CEP164: variants seen among roughly 807,000 people sequenced by gnomAD.
CEP164 encodes centrosomal protein 164.
Under a neutral mutation model 182.7 loss-of-function variants are expected in CEP164, and 162 were observed. That is an observed-to-expected ratio of 0.89 (90% CI 0.78 to 1.01). The LOEUF (loss-of-function observed/expected upper bound fraction) is 1.01, where lower values mean the gene tolerates loss of function less well. Among genes scored for constraint, CEP164 ranks in the 50% least tolerant of loss-of-function variants. CEP164 has a pLI of 0.00. For missense variants in CEP164, 1,735 were observed against 1,790.4 expected (o/e 0.97, Z 0.56); for synonymous variants, 661 against 690.0 (o/e 0.96, Z 0.66).
chr11:117,369,240 C>G (rs1327823406), intron 8 of CEP164, among the ~76,000 whole-genome samples: 2 of 152,238 alleles, frequency 1.3e-5, no homozygotes, highest in Admixed American at 1.3e-4. Context: ...ACTCTGAGTT[C>G]CTTAACTCAC....
At position 117,352,825 on chromosome 11, in the gene CEP164, G is replaced by C. The variant is rs543856353; in HGVS notation, c.393+837G>C. Among the ~76,000 whole-genome samples the C allele has an allele frequency of 4.6e-5, 7 of 152,290 alleles. No homozygotes were observed. The East Asian group carries it at 1.4e-3, about 29-fold the overall frequency. ...TGGTCTCAAACTCCTGACCTCAAGTGATCCACCCGCCTCAGCCTCCCAAAG... is the reference window on the plus strand; with the variant it reads ...TGGTCTCAAACTCCTGACCTCAAGTCATCCACCCGCCTCAGCCTCCCAAAG... On this transcript the variant is annotated intron_variant, in intron 5 of 32. Coordinates refer to ENST00000278935, the MANE Select transcript of CEP164 (RefSeq NM_014956.5).
intron 8 of CEP164, among the ~76,000 whole-genome samples, chr11:117,369,584 GCTT>G (rs1374012744): frequency 1.3e-5 from 2 of 152,166 alleles, no homozygotes; most frequent in African/African-American, 4.8e-5. Context: ...CATGCTTAGG[GCTT>G]CTTCTTGGAC....
rs2041031182 is a variant in CEP164, at chr11:117,361,936, A to G, written c.495A>G (p.Gln165=). The part of the protein sequence containing the change: ...DTPPSALRGS[Q]SVSLGSSVES... ...CACCCTCTGCTCTTCGTGGATCTCA[A>G]AGCGTGAGCCTGGGGAGCTCAGTGG... The change falls in exon 6 of 33, where the codon CAA becomes CAG. Residue 165 remains glutamine (Q), a synonymous_variant. Coordinates refer to ENST00000278935, the MANE Select transcript of CEP164 (RefSeq NM_014956.5). 6.2e-7 allele frequency: 1 copy of G among 1,610,222 alleles called. No homozygotes were observed.
Position 117,356,716 on chromosome 11 carries a change from TTACCC to T in CEP164, c.393+4729_393+4733del. On this transcript the variant is annotated intron_variant, in intron 5 of 32. Transcript: ENST00000278935. ...CACAGCCATCAGGCCTGCATTCCTG[TTACCC>T]ACCCTACCGTGGTAACTATTGGCCC... 4 of 1,124,538 alleles carry T rather than the reference TTACCC, an allele frequency of 3.6e-6. No homozygotes were observed. In the South Asian group the frequency reaches 5.1e-5, roughly 14 times the overall value. The allele number at this position is 1,124,538 out of a possible 1,614,324, so 69.7% of individuals were successfully genotyped here. A position where few individuals can be genotyped will look rare whatever the true frequency, so the allele number is the denominator to read the frequency against.
At chr11:117,380,443 G>C (rs112116730) in intron 11 of CEP164, among the ~76,000 whole-genome samples, 171 bp from the exon 12 acceptor site, 113 of 152,248 alleles carry the variant, frequency 7.4e-4, no homozygotes, top group African/African-American at 2.5e-3. Context: ...CCAAAGCTTG[G>C]GGAAGCTTCA....
At chr11:117,374,923 C>T (rs1304242973) in intron 10 of CEP164, among the ~76,000 whole-genome samples, 1 of 152,204 alleles carries the variant, frequency 6.6e-6, no homozygotes, top group Non-Finnish European at 1.5e-5. Context: ...TCACTTAGCC[C>T]AGCAGGGATC....
chr11:117,392,467 C>T (rs142977189), intron 18 of CEP164, 29 bp from the exon 19 acceptor site: 19 of 1,606,284 alleles, frequency 1.2e-5, no homozygotes, highest in Non-Finnish European at 1.6e-5. Flanking sequence ...GAGGGTCACA[C>T]TCCCCTGTGT....
intron 4 of CEP164, among the ~76,000 whole-genome samples, chr11:117,344,556 T>C (rs538952001): frequency 6.6e-6 from 1 of 152,290 alleles, no homozygotes; most frequent in South Asian, 2.1e-4. Context: ...CTGTTTAGGA[T>C]GTGCTGAGGG....
chr11:117,366,822 A>C (rs1023029188), intron 8 of CEP164, among the ~76,000 whole-genome samples: 1 of 151,980 alleles, frequency 6.6e-6, no homozygotes, highest in Admixed American at 6.6e-5. Flanking sequence ...TGTGGATTAC[A>C]GGGGTCCTTG....
At chr11:117,406,833 T>A (rs1688497746) in intron 27 of CEP164, among the ~76,000 whole-genome samples, 1 of 152,160 alleles carries the variant, frequency 6.6e-6, no homozygotes, top group African/African-American at 2.4e-5. Flanking sequence ...CAGTGGTTCA[T>A]GCCTGTAATG....
chr11:117,387,483 A>C, intron 15 of CEP164, 71 bp downstream of exon 15: 18 of 1,459,580 alleles, frequency 1.2e-5, no homozygotes, highest in East Asian at 2.3e-5. Context: ...ACACCCTCTT[A>C]GCCTGGGGAC....
chr11:117,382,968 C>T, intron 14 of CEP164, 26 bp downstream of exon 14: 1 of 1,605,338 alleles, frequency 6.2e-7, no homozygotes, highest in Non-Finnish European at 8.5e-7. Flanking sequence ...GTGTGTCTGT[C>T]CCTGACCTCC....
intron 8 of CEP164, among the ~76,000 whole-genome samples, chr11:117,370,137 A>G (rs1165786639): frequency 2.0e-5 from 3 of 151,754 alleles, no homozygotes; most frequent in African/African-American, 7.3e-5. Context: ...CACTTCCTTT[A>G]TCCTTTATAG....
At chr11:117,348,597 G>A (rs2039252961) in intron 4 of CEP164, among the ~76,000 whole-genome samples, 1 of 152,030 alleles carries the variant, frequency 6.6e-6, no homozygotes, top group Non-Finnish European at 1.5e-5. Flanking sequence ...TTGTCATACT[G>A]AAGTCAATAA....
chr11:117,328,579 T>G (rs1412528949), intron 1 of CEP164, among the ~76,000 whole-genome samples: 1 of 152,188 alleles, frequency 6.6e-6, no homozygotes, highest in African/African-American at 2.4e-5. Flanking sequence ...TATCAGCTTT[T>G]CAGCGTTGAC....
At position 117,322,666 on chromosome 11, in the gene CEP164, C is replaced by G. The variant is rs535032577; in HGVS notation, c.-98+7938C>G. On this transcript the variant is annotated intron_variant, in intron 1 of 4. Coordinates refer to the CEP164 transcript ENST00000525734. ...TGCCTCCCGGGTGCAAGTGATTCTC[C>G]TGCTTCAGCCTCCCAAGTAGCTGAG... Among the ~76,000 whole-genome samples the G allele has an allele frequency of 4.0e-4, 60 of 151,840 alleles. 2 individuals carry two copies. The South Asian group carries it at 8.7e-3, about 22-fold the overall frequency.
chr11:117,394,214 C>A lies in CEP164; in HGVS notation c.2617-136C>A. 1.7e-6 allele frequency: 2 copies of A among 1,202,272 alleles called. No individual in the cohort carries two copies. Among genetic ancestry groups the A allele is most frequent in the Middle Eastern group, 2.5e-4 (1 of 4,022 alleles). The allele number at this position is 1,202,272 out of a possible 1,614,324, so 74.5% of individuals were successfully genotyped here. On this transcript the variant is annotated intron_variant, in intron 20 of 32. Coordinates refer to ENST00000278935, the MANE Select transcript of CEP164 (RefSeq NM_014956.5). The surrounding 1 kb of genome is among the most constrained non-coding windows in gnomAD (Gnocchi z 4.0). Reference sequence around the variant, plus strand: ...GTGCTGTGCTTGTAACCCTCCTCTTCTCCAAGAGCTGGCTTTAGGGAGCCG... The same window carrying A: ...GTGCTGTGCTTGTAACCCTCCTCTTATCCAAGAGCTGGCTTTAGGGAGCCG...
In CEP164 at chr11:117,329,911, A is replaced by G. The variant is rs528431800; in HGVS notation, c.-98+2007A>G. On this transcript the variant is annotated intron_variant, in intron 1 of 32. Transcript: ENST00000278935. ...TTATTTGAAAAGTGAAGATAATTCT[A>G]TTTTGCTGAGTGGATGAAGTGAGAT... Among the ~76,000 whole-genome samples the G allele has an allele frequency of 7.7e-5, 9 of 117,080 alleles. No homozygotes were observed. In the East Asian group the frequency reaches 1.2e-3, roughly 16 times the overall value. The allele number at this position is 117,080 out of a possible 152,430, so 76.8% of individuals were successfully genotyped here.
chr11:117,380,270 C>T (rs2043178067), intron 11 of CEP164, among the ~76,000 whole-genome samples: 2 of 152,170 alleles, frequency 1.3e-5, no homozygotes, highest in South Asian at 2.1e-4. Context: ...GCTTTCTCTG[C>T]ACAGCTCACA....
Sources: gnomAD v4.1 joint callset for allele counts (sites outside exome capture counted in the v4.1 genomes callset) on GRCh38, gnomAD v4.1.1 for gene constraint, Gnocchi (gnomAD v3.1) non-coding constraint, MANE v1.5 for transcripts, NCBI Gene and HGNC (gene_info 2026-07-23, HGNC 2026-07-21) for gene names.